PABPC4L: variants seen among roughly 807,000 people sequenced by gnomAD.
The protein encoded by PABPC4L is poly(A) binding protein cytoplasmic 4 like.
For synonymous variants in PABPC4L, 169 were observed against 164.1 expected, an observed-to-expected ratio of 1.03 and a Z score of -0.23; for missense variants, 452 against 451.4, an observed-to-expected ratio of 1.00 and a Z score of -0.01.
chr4:134,158,445 A>T, the PABPC4L span, among the ~76,000 whole-genome samples: 5 of 152,042 alleles, frequency 3.3e-5, no homozygotes, highest in Non-Finnish European at 7.4e-5. Context: ...TTCCATTCTG[A>T]CATATTCTTA....
chr4:134,109,815 C>T, the PABPC4L span, among the ~76,000 whole-genome samples: 1 of 151,380 alleles, frequency 6.6e-6, no homozygotes, highest in Non-Finnish European at 1.5e-5. Flanking sequence ...GGTCTCAGCT[C>T]ACTGCAACCT....
the PABPC4L span, among the ~76,000 whole-genome samples, chr4:133,957,473 A>G: frequency 6.6e-6 from 1 of 152,128 alleles, no homozygotes; most frequent in Non-Finnish European, 1.5e-5. Context: ...ACAGGTTGGC[A>G]TTGAATGTCT....
the PABPC4L span, among the ~76,000 whole-genome samples, chr4:134,013,206 C>T: frequency 6.6e-6 from 1 of 151,972 alleles, no homozygotes; most frequent in Non-Finnish European, 1.5e-5. Flanking sequence ...AGCGGCAAGT[C>T]CCACTTTTCT....
chr4:134,051,254 A>G, the PABPC4L span, among the ~76,000 whole-genome samples: 3 of 152,290 alleles, frequency 2.0e-5, no homozygotes, highest in South Asian at 4.1e-4. Context: ...AACTAAAACA[A>G]TTGAAGCCCT....
the PABPC4L span, among the ~76,000 whole-genome samples, chr4:134,149,848 C>T: frequency 6.6e-6 from 1 of 152,070 alleles, no homozygotes; most frequent in South Asian, 2.1e-4. Context: ...ATATATCACA[C>T]AGTGGCTAGG....
the PABPC4L span, among the ~76,000 whole-genome samples, chr4:134,022,430 G>A: frequency 9.2e-5 from 14 of 151,892 alleles, 1 homozygote; most frequent in Admixed American, 3.3e-4. Flanking sequence ...ATGCATGCAC[G>A]CACACACGCA....
the PABPC4L span, among the ~76,000 whole-genome samples, chr4:134,077,770 A>T: frequency 0.72 from 108,723 of 152,038 alleles, 39,415 homozygotes; most frequent in East Asian, 0.95. Flanking sequence ...GTTTATTCCC[A>T]TGGAAGGTTG....
the PABPC4L span, among the ~76,000 whole-genome samples, chr4:134,148,804 A>G: frequency 6.6e-6 from 1 of 152,094 alleles, no homozygotes; most frequent in African/African-American, 2.4e-5. Context: ...TAATGACATA[A>G]GGAGCTCAAA....
At chr4:133,988,106 CT>C in the PABPC4L span, among the ~76,000 whole-genome samples, 2 of 152,122 alleles carry the variant, frequency 1.3e-5, no homozygotes, top group Admixed American at 1.3e-4. Context: ...CACAATGTCC[CT>C]CCCATGACAT....
At chr4:133,960,947 C>T in the PABPC4L span, among the ~76,000 whole-genome samples, 147 of 152,188 alleles carry the variant, frequency 9.7e-4, no homozygotes, top group African/African-American at 2.9e-3. Flanking sequence ...CACACATAGC[C>T]GTGCCCTGAC....
At chr4:134,045,762 C>T in the PABPC4L span, among the ~76,000 whole-genome samples, 3 of 152,104 alleles carry the variant, frequency 2.0e-5, no homozygotes, top group African/African-American at 7.2e-5. Flanking sequence ...CAATAATTTT[C>T]CCCTTCAATC....
chr4:134,101,241 G>A, the PABPC4L span, among the ~76,000 whole-genome samples: 1 of 151,470 alleles, frequency 6.6e-6, no homozygotes, highest in Non-Finnish European at 1.5e-5. Context: ...ACTTAAATGA[G>A]GAATACATGC....
At chr4:133,970,068 TTTAAAAA>T in the PABPC4L span, among the ~76,000 whole-genome samples, 3 of 123,390 alleles carry the variant, frequency 2.4e-5, no homozygotes, top group Admixed American at 3.1e-4. Context: ...ATTTAAAATA[TTTAAAAA>T]ATATATATAT....
chr4:134,117,818 G>A, the PABPC4L span, among the ~76,000 whole-genome samples: 5 of 151,958 alleles, frequency 3.3e-5, no homozygotes, highest in African/African-American at 4.8e-5. Flanking sequence ...TAATTGTAGG[G>A]AGAGGCAATG....
the PABPC4L span, among the ~76,000 whole-genome samples, chr4:134,126,547 G>A: frequency 2.6e-5 from 4 of 152,020 alleles, no homozygotes; most frequent in East Asian, 5.8e-4. Flanking sequence ...GCATTTAGAT[G>A]TATTTTACTG....
the PABPC4L span, among the ~76,000 whole-genome samples, chr4:134,127,606 G>C: frequency 6.6e-6 from 1 of 152,056 alleles, no homozygotes; most frequent in African/African-American, 2.4e-5. Flanking sequence ...AAAAGGTAGA[G>C]GACTGCATTT....
the PABPC4L span, among the ~76,000 whole-genome samples, chr4:134,150,167 C>T: frequency 2.0e-5 from 3 of 151,058 alleles, no homozygotes; most frequent in Non-Finnish European, 4.4e-5. Flanking sequence ...ACTGCAACCT[C>T]CGCCTCCCGG....
At chr4:134,061,318 T>C in the PABPC4L span, among the ~76,000 whole-genome samples, 12 of 151,654 alleles carry the variant, frequency 7.9e-5, no homozygotes, top group East Asian at 1.9e-3. Flanking sequence ...ATTCAAAAAA[T>C]TTCCCAGGGC....
the PABPC4L span, among the ~76,000 whole-genome samples, chr4:134,102,536 G>T: frequency 6.6e-6 from 1 of 151,400 alleles, no homozygotes; most frequent in Non-Finnish European, 1.5e-5. Flanking sequence ...GGAAAACTCC[G>T]CCTCAAAGGA....
Sources: gnomAD v4.1 joint callset for allele counts (sites outside exome capture counted in the v4.1 genomes callset) on GRCh38, gnomAD v4.1.1 for gene constraint, MANE v1.5 for transcripts, NCBI Gene and HGNC (gene_info 2026-07-23, HGNC 2026-07-21) for gene names.